The following RGS5 variants were observed in gnomAD, a reference collection of about 807,000 sequenced individuals.
RGS5 encodes regulator of G-protein signalling 5.
A neutral mutation model predicts 18.9 loss-of-function variants in RGS5; 20 were observed. The observed-to-expected ratio is 1.06, with a 90% confidence interval of 0.74 to 1.54. RGS5 has a LOEUF of 1.54. Among genes scored for constraint, RGS5 ranks in the 40% most tolerant of loss-of-function variants. The probability of loss-of-function intolerance (pLI) is 0.00; values close to 1 mark genes in which losing one functional copy is unlikely to be tolerated. For missense variants in RGS5, 201 were observed against 211.8 expected (o/e 0.95, Z 0.32); for synonymous variants, 57 against 76.2 (o/e 0.75, Z 1.31).
At chr1:163,289,843 C>T (rs1649235272) in intron 2 of RGS5, among the ~76,000 whole-genome samples, 1 of 151,980 alleles carries the variant, frequency 6.6e-6, no homozygotes, top group African/African-American at 2.4e-5. Context: ...AAAAGCAGCC[C>T]CCAAATAATT....
chr1:163,153,823 T>TAC (rs1553212452), intron 3 of RGS5, among the ~76,000 whole-genome samples: 167 of 99,712 alleles, frequency 1.7e-3, no homozygotes, highest in Admixed American at 2.9e-3. Flanking sequence ...CAACATATAT[T>TAC]ACACACATAT....
intron 1 of RGS5, among the ~76,000 whole-genome samples, chr1:163,172,247 A>G (rs1037400514): frequency 6.6e-6 from 1 of 152,212 alleles, no homozygotes; most frequent in African/African-American, 2.4e-5. Context: ...AAAACTATTG[A>G]AAAGCGCCTT....
intron 2 of RGS5, among the ~76,000 whole-genome samples, chr1:163,273,138 G>T (rs60713574): frequency 1.3e-5 from 2 of 151,924 alleles, no homozygotes; most frequent in Non-Finnish European, 2.9e-5. Context: ...GCATTGAGAC[G>T]TATTTAGTGG....
At chr1:163,180,723 C>T (rs1658796748) in intron 1 of RGS5, among the ~76,000 whole-genome samples, 1 of 71,494 alleles carries the variant, frequency 1.4e-5, no homozygotes, top group Non-Finnish European at 2.4e-5. Context: ...GAGACGGAGT[C>T]TCGCTCTGTT....
intron 2 of RGS5, among the ~76,000 whole-genome samples, chr1:163,223,993 T>C (rs1278723152): frequency 6.6e-6 from 1 of 152,210 alleles, no homozygotes; most frequent in African/African-American, 2.4e-5. Flanking sequence ...CATGTATATG[T>C]TGTGTAATGA....
At chr1:163,321,397 G>A (rs1360274901) in intron 1 of RGS5, 2 of 152,166 alleles carry the variant, frequency 1.3e-5, no homozygotes, top group African/African-American at 2.4e-5. Flanking sequence ...AGAGTCAGAG[G>A]ATGTGTGTTC....
intron 2 of RGS5, among the ~76,000 whole-genome samples, chr1:163,226,943 A>G (rs910682494): frequency 6.6e-6 from 1 of 152,244 alleles, no homozygotes; most frequent in Non-Finnish European, 1.5e-5. Context: ...TAAAAATGAT[A>G]TAACAAAATA....
intron 2 of RGS5, among the ~76,000 whole-genome samples, chr1:163,255,264 T>C (rs1648239051): frequency 6.6e-6 from 1 of 152,186 alleles, no homozygotes; most frequent in Non-Finnish European, 1.5e-5. Context: ...ATGATATTGA[T>C]TCTTTCTACC....
At chr1:163,298,120 G>T (rs1294306026) in intron 2 of RGS5, among the ~76,000 whole-genome samples, 1 of 151,890 alleles carries the variant, frequency 6.6e-6, no homozygotes, top group Non-Finnish European at 1.5e-5. Context: ...CAATACACAA[G>T]GCAAAATGCA....
intron 2 of RGS5, among the ~76,000 whole-genome samples, chr1:163,267,553 C>A (rs1023196435): frequency 6.6e-6 from 1 of 152,092 alleles, no homozygotes; most frequent in Non-Finnish European, 1.5e-5. Flanking sequence ...CATCTGGATG[C>A]CCAGGATTGA....
chr1:163,195,186 G>A (rs1005958758), intron 1 of RGS5, among the ~76,000 whole-genome samples: 1 of 152,084 alleles, frequency 6.6e-6, no homozygotes, highest in Admixed American at 6.5e-5. Context: ...ACTAACCTAC[G>A]TGCCCATCGA....
intron 1 of RGS5, among the ~76,000 whole-genome samples, chr1:163,186,599 A>AAAAAAAG (rs1553216791): frequency 2.2e-5 from 2 of 89,848 alleles, no homozygotes; most frequent in African/African-American, 5.5e-5. Context: ...AAAAAAAAAG[A>AAAAAAAG]AAAAGAAAAG....
chr1:163,165,979 C>A (rs539227097), intron 2 of RGS5, among the ~76,000 whole-genome samples: 2 of 151,604 alleles, frequency 1.3e-5, no homozygotes, highest in Admixed American at 6.6e-5. Context: ...ACAGATGGGG[C>A]CTTAGAAACA....
intron 2 of RGS5, among the ~76,000 whole-genome samples, chr1:163,274,713 G>C (rs1294065730): frequency 6.6e-6 from 1 of 152,174 alleles, no homozygotes; most frequent in Non-Finnish European, 1.5e-5. Flanking sequence ...CAGGTAGATA[G>C]TGTCCAAATT....
At chr1:163,205,481 A>C (rs966058933), upstream of RGS5, among the ~76,000 whole-genome samples, 7 of 152,206 alleles carry the variant, frequency 4.6e-5, no homozygotes, top group African/African-American at 1.4e-4. Context: ...AAATATATGA[A>C]AAAGGTATAA....
intron 1 of RGS5, among the ~76,000 whole-genome samples, chr1:163,172,955 C>T (rs189246883): frequency 2.0e-4 from 30 of 152,268 alleles, no homozygotes; most frequent in Admixed American, 1.8e-3. Context: ...CATAGCCTCA[C>T]AGACATATGA....
At position 163,168,199 on chromosome 1, in the gene RGS5, A is replaced by C. The variant is rs961077670; in HGVS notation, c.155+59T>G. The C allele has an allele frequency of 2.4e-6, 3 of 1,269,506 alleles. No individual in the cohort carries two copies. In the African/African-American group the frequency reaches 4.4e-5, roughly 19 times the overall value. 78.6% of individuals were successfully genotyped at this position (1,269,506 alleles called of 1,614,324 possible). A position where few individuals can be genotyped will look rare whatever the true frequency, so the allele number is the denominator to read the frequency against. ...TTCTACAGATGAGGAATGGTGCTAA[A>C]CACTTGGAAAATAGCCATCCTCTGG... On this transcript the variant is annotated intron_variant, in intron 2 of 4. Coordinates refer to ENST00000313961, the MANE Select transcript of RGS5 (RefSeq NM_003617.4).
intron 2 of RGS5, among the ~76,000 whole-genome samples, chr1:163,259,607 G>A (rs999670763): frequency 6.6e-6 from 1 of 152,004 alleles, no homozygotes; most frequent in African/African-American, 2.4e-5. Context: ...AGACAGGGAG[G>A]GACCATATGA....
intron 4 of RGS5, among the ~76,000 whole-genome samples, chr1:163,149,648 A>G (rs1246423096): frequency 2.0e-5 from 3 of 152,164 alleles, no homozygotes; most frequent in African/African-American, 4.8e-5. Flanking sequence ...TAAATTATCT[A>G]CTTATTGACT....
Sources: allele counts gnomAD v4.1 joint callset (sites outside exome capture counted in the v4.1 genomes callset), GRCh38; gene constraint gnomAD v4.1.1; transcripts MANE v1.5; gene names NCBI Gene and HGNC (gene_info 2026-07-23, HGNC 2026-07-21).